ZNF420: variants seen among roughly 807,000 people sequenced by gnomAD.
ZNF420 encodes ATM and p53-associated KZNF protein.
Under a neutral mutation model 44.7 loss-of-function variants are expected in ZNF420, and 31 were observed. The observed-to-expected ratio is 0.69, with a 90% CI of 0.52 to 0.94. The LOEUF (loss-of-function observed/expected upper bound fraction) is 0.94. ZNF420 is among the 40% of genes least tolerant of loss of function. The pLI, the probability that ZNF420 is intolerant of heterozygous loss-of-function variation, is 0.00. For missense variants in ZNF420, 681 were observed against 827.9 expected (o/e 0.82, Z 2.18); for synonymous variants, 245 against 267.4 (o/e 0.92, Z 0.82).
At position 37,127,838 on chromosome 19, in the gene ZNF420, G is replaced by C. The variant is rs1971439076; in HGVS notation, c.847G>C (p.Glu283Gln). 1.4e-5 allele frequency: 23 copies of C among 1,613,762 alleles called. No individual in the cohort carries two copies. The highest frequency in any genetic ancestry group is 1.9e-5 in the Non-Finnish European group (23 of 1,179,946). ...TGGTGAAAAGCTCTATGAATGTAAA[G>C]AATGTAGGAAGGTCTTTACTCAGCT... is the stretch of plus-strand genomic sequence containing the variant. Reference protein sequence around the residue: ...HTGEKLYECKECRKVFTQLSQ... With the variant: ...HTGEKLYECKQCRKVFTQLSQ... Residue 283 changes from glutamate (E) to glutamine (Q), a missense_variant, in exon 5 of 5, where the codon GAA becomes CAA. This residue lies in a region of ZNF420 where 350 missense variants were observed against 382.5 expected (regional missense o/e 0.92). Transcript: ENST00000337995.
intron 1 of ZNF420, among the ~76,000 whole-genome samples, chr19:37,035,562 A>G (rs1325851495): frequency 2.0e-5 from 3 of 152,164 alleles, no homozygotes; most frequent in Non-Finnish European, 2.9e-5. Flanking sequence ...TCATAACAAG[A>G]TGAAAACAAG....
chr19:37,073,556 T>C (rs183798129), upstream of ZNF420, among the ~76,000 whole-genome samples: 117 of 151,872 alleles, frequency 7.7e-4, no homozygotes, highest in Admixed American at 4.1e-3. Context: ...CTGGCCAACA[T>C]GGTGAAACCC....
rs1171644736 is a variant in ZNF420 at position 37,127,950 on chromosome 19, C to T, written c.959C>T (p.Ser320Leu). The change falls in exon 5 of 5, where the codon TCA becomes TTA. Residue 320 changes from serine (S) to leucine (L), a missense_variant. This residue lies in a region of ZNF420 where 350 missense variants were observed against 382.5 expected (regional missense o/e 0.92). Transcript: ENST00000337995. ...TGTGGAAAAGCTTTTATTTGTGGCT[C>T]ACAGCTTTCTCAACATCAGAAAATT... Reference protein sequence around the residue: ...KECGKAFICGSQLSQHQKIHN... With the variant: ...KECGKAFICGLQLSQHQKIHN... The T allele has an allele frequency of 1.9e-6, 3 of 1,614,058 alleles. No individual in the cohort carries two copies. The highest frequency in any genetic ancestry group is 3.3e-5 in the Admixed American group (2 of 60,022).
At chr19:37,039,082 C>G (rs1395112262) in intron 1 of ZNF420, among the ~76,000 whole-genome samples, 1 of 152,220 alleles carries the variant, frequency 6.6e-6, no homozygotes, top group Non-Finnish European at 1.5e-5. Flanking sequence ...ATCTCCACCA[C>G]AACTGTGGTT....
chr19:37,102,260 C>T (rs1250794998), intron 4 of ZNF420, among the ~76,000 whole-genome samples: 1 of 152,198 alleles, frequency 6.6e-6, no homozygotes, highest in Admixed American at 6.6e-5. Flanking sequence ...TCAAGGTCTG[C>T]TGTGGGACAG....
intron 4 of ZNF420, among the ~76,000 whole-genome samples, chr19:37,116,780 TAAAA>T (rs1387539192): frequency 1.3e-5 from 2 of 152,142 alleles, no homozygotes; most frequent in Non-Finnish European, 2.9e-5. Context: ...CCAACGGGCT[TAAAA>T]AACAGCACAC....
chr19:37,079,194 T>C (rs1009574271), intron 1 of ZNF420, among the ~76,000 whole-genome samples: 1 of 152,214 alleles, frequency 6.6e-6, no homozygotes, highest in Admixed American at 6.5e-5. Context: ...TGGGATTTTG[T>C]TTGAGACAAG....
chr19:37,092,201 T>A (rs2146545301), intron 4 of ZNF420: 1 of 152,272 alleles, frequency 6.6e-6, no homozygotes, highest in Admixed American at 6.5e-5. Context: ...AAGTCAGTGA[T>A]TAACACATGT....
At chr19:37,028,887 T>C (rs568728131) in intron 1 of ZNF420, among the ~76,000 whole-genome samples, 1 of 152,338 alleles carries the variant, frequency 6.6e-6, no homozygotes, top group South Asian at 2.1e-4. Context: ...GCTCTTGAAC[T>C]TCTACTGGAT....
intron 1 of ZNF420, among the ~76,000 whole-genome samples, chr19:37,033,080 A>G (rs1446799963): frequency 2.0e-5 from 3 of 152,226 alleles, no homozygotes; most frequent in Admixed American, 6.5e-5. Flanking sequence ...GCACATAGTT[A>G]TTGGGATTGA....
chr19:37,054,639 A>G (rs773306571), intron 1 of ZNF420, among the ~76,000 whole-genome samples: 1 of 152,252 alleles, frequency 6.6e-6, no homozygotes, highest in African/African-American at 2.4e-5. Context: ...GTTAAGACTC[A>G]CTGAGCAGAT....
At chr19:37,033,400 C>T (rs1157307059) in intron 1 of ZNF420, among the ~76,000 whole-genome samples, 2 of 152,150 alleles carry the variant, frequency 1.3e-5, no homozygotes, top group African/African-American at 4.8e-5. Context: ...AACCATCATT[C>T]TACTTTTGGT....
At chr19:37,030,257 G>A (rs556763881) in intron 1 of ZNF420, among the ~76,000 whole-genome samples, 241 of 152,218 alleles carry the variant, frequency 1.6e-3, no homozygotes, top group Non-Finnish European at 2.7e-3. Flanking sequence ...CGCCTCCCGG[G>A]TTCAAGCAAT....
chr19:37,069,952 C>T (rs1364866877), intron 1 of ZNF420, among the ~76,000 whole-genome samples: 3 of 151,910 alleles, frequency 2.0e-5, no homozygotes, highest in Admixed American at 6.6e-5. Flanking sequence ...CAAAACAATA[C>T]AAGAAATAGA....
At chr19:37,019,959 TGTAA>T (rs1417259184) in intron 1 of ZNF420, among the ~76,000 whole-genome samples, 51 of 152,062 alleles carry the variant, frequency 3.4e-4, no homozygotes, top group African/African-American at 1.1e-3. Context: ...GGCTCACGCC[TGTAA>T]TCTCAGCACT....
chr19:37,047,611 C>T (rs963607142), intron 1 of ZNF420, among the ~76,000 whole-genome samples: 2 of 152,218 alleles, frequency 1.3e-5, no homozygotes, highest in Non-Finnish European at 2.9e-5. Flanking sequence ...TGTTGCCTGT[C>T]TAGCAGTGTG....
At position 37,026,363 on chromosome 19, in the gene ZNF420, C is replaced by T. The variant is rs577401887; in HGVS notation, c.-125+18281C>T. On this transcript the variant is annotated intron_variant, in intron 1 of 4. Coordinates refer to the ZNF420 transcript ENST00000587029. Reference sequence around the variant, plus strand: ...GAGAGGGAGTTTCACTCTTGTTGCCCAGGCTGGAGTGCAATGGGGTGATCT... The same window carrying T: ...GAGAGGGAGTTTCACTCTTGTTGCCTAGGCTGGAGTGCAATGGGGTGATCT... Among the ~76,000 whole-genome samples, 3 of 151,322 alleles carry T rather than the reference C, an allele frequency of 2.0e-5. No individual in the cohort carries two copies. The South Asian group carries it at 6.3e-4, about 32-fold the overall frequency.
chr19:37,044,225 G>A (rs1054063683), intron 1 of ZNF420, among the ~76,000 whole-genome samples: 1 of 152,236 alleles, frequency 6.6e-6, no homozygotes, highest in Admixed American at 6.5e-5. Context: ...CATTTTAACA[G>A]CCAAGGATGG....
intron 1 of ZNF420, among the ~76,000 whole-genome samples, chr19:37,065,920 C>A (rs760579096): frequency 3.2e-4 from 48 of 152,060 alleles, no homozygotes; most frequent in Non-Finnish European, 1.9e-4. Flanking sequence ...GAACTTCAAC[C>A]CCTACCTGCC....
Sources: allele counts gnomAD v4.1 joint callset (sites outside exome capture counted in the v4.1 genomes callset), GRCh38; gene constraint gnomAD v4.1.1; regional missense constraint gnomAD v4.1.1; transcripts MANE v1.5; gene names NCBI Gene and HGNC (gene_info 2026-07-23, HGNC 2026-07-21).